Variants in PLXND1 observed in about 807,000 individuals in gnomAD.
PLXND1 encodes the protein plexin-D1.
PLXND1 carries 54 observed loss-of-function variants against 197.7 expected under a neutral mutation model. The observed-to-expected ratio is 0.27, with a 90% CI of 0.22 to 0.34. The LOEUF is 0.34. Ranked by LOEUF, PLXND1 falls within the 10% of genes least tolerant of loss-of-function variation. The pLI is 1.00. For synonymous variants in PLXND1, 1,180 were observed against 1,161.2 expected (o/e 1.02, Z -0.33); for missense variants, 2,127 against 2,699.2 (o/e 0.79, Z 4.70).
At chr3:129,588,580 C>T (rs1378276655) in intron 2 of PLXND1, among the ~76,000 whole-genome samples, 1 of 152,258 alleles carries the variant, frequency 6.6e-6, no homozygotes, top group Admixed American at 6.5e-5. Context: ...CCCACCCAGC[C>T]CACAGCGTCT....
chr3:129,606,566 G>C lies in PLXND1; in HGVS notation c.74C>G (p.Thr25Arg), dbSNP rs1169498636. The C allele has an allele frequency of 3.2e-6, 4 of 1,244,732 alleles. No individual in the cohort carries two copies. The highest frequency in any genetic ancestry group is 3.0e-4 in the Middle Eastern group (1 of 3,348). 77.1% of individuals were successfully genotyped at this position (1,244,732 alleles called of 1,614,324 possible). Reference protein sequence around the residue: ...AAAASPPPFQTPPRCPVPLLL... With the variant: ...AAAASPPPFQRPPRCPVPLLL... ...CAGCGGCACCGGGCACCGCGGCGGC[G>C]TCTGGAACGGCGGGGGGCTGGCGGC... Residue 25 changes from threonine (T) to arginine (R), a missense_variant, in exon 1 of 36, where the codon ACG (threonine) becomes AGG (arginine). Physicochemically the swap from Thr to Arg is moderately conservative, Grantham distance 71. This residue lies in a region of PLXND1 where 245 missense variants were observed against 267.1 expected (regional missense o/e 0.92). Coordinates refer to ENST00000324093, the MANE Select transcript of PLXND1 (RefSeq NM_015103.3).
chr3:129,573,499 G>A (rs749853075), intron 13 of PLXND1, 95 bp downstream of exon 13: 147 of 1,247,734 alleles, frequency 1.2e-4, no homozygotes, highest in Admixed American at 1.7e-4. Context: ...GAAAGCAGCA[G>A]AGTGAGGACA....
Position 129,575,573 on chromosome 3 carries a change from GC to G in PLXND1, c.2437-12del, listed in dbSNP as rs1265851246. On this transcript the variant is annotated splice_polypyrimidine_tract_variant and intron_variant, in intron 10 of 35. Transcript: ENST00000324093. Reference sequence around the variant, plus strand: ...CCGGGTCGTGTGCAGCTGCAAAAGGGCAGAAAAGAGCATAGGGGGCATGGGC... The same window carrying G: ...CCGGGTCGTGTGCAGCTGCAAAAGGGAGAAAAGAGCATAGGGGGCATGGGC... 1 of 1,543,178 alleles carries G rather than the reference GC, an allele frequency of 6.5e-7. No homozygotes were observed. The highest frequency in any genetic ancestry group is 8.8e-7 in the Non-Finnish European group (1 of 1,138,630).
In PLXND1 at chr3:129,586,164, A is replaced by T. The variant is rs1278881493; in HGVS notation, c.1721+8T>A. 1 of 1,609,114 alleles carries T rather than the reference A, an allele frequency of 6.2e-7. No individual in the cohort carries two copies. The highest frequency in any genetic ancestry group is 1.7e-5 in the Admixed American group (1 of 59,868). On this transcript the variant is annotated splice_region_variant and intron_variant, in intron 4 of 35. Coordinates refer to ENST00000324093, the MANE Select transcript of PLXND1 (RefSeq NM_015103.3). ...CCTGGTCCAGCTGTTGCTGGTGTCC[A>T]GCCTCACCGCGTCTCCAGGGCACAC...
At position 129,586,099 on chromosome 3, in the gene PLXND1, G is replaced by A. The variant is rs192005142; in HGVS notation, c.1722-18C>T. On this transcript the variant is annotated intron_variant, in intron 4 of 35. Transcript: ENST00000324093. Reference sequence around the variant, plus strand: ...AGGTGCACCTGGGGTGGCACCGCAGGGTCAGGACCCAGGTCAGCTCCTCCC... The same window carrying A: ...AGGTGCACCTGGGGTGGCACCGCAGAGTCAGGACCCAGGTCAGCTCCTCCC... 1.1e-4 allele frequency: 176 copies of A among 1,613,694 alleles called. No homozygotes were observed. The African/African-American group carries it at 2.1e-3, about 20-fold the overall frequency.
chr3:129,575,332 G>A (rs897484587), intron 11 of PLXND1, 137 bp downstream of exon 11: 25 of 639,404 alleles, frequency 3.9e-5, no homozygotes, highest in Middle Eastern at 4.1e-4. Context: ...TGGGATATGA[G>A]GCTGTGTGTG....
intron 27 of PLXND1, 109 bp from the exon 28 acceptor site, chr3:129,562,012 T>G: frequency 1.4e-6 from 1 of 729,966 alleles, no homozygotes; most frequent in South Asian, 1.5e-5. Flanking sequence ...CCATGTAAAC[T>G]GAGGCAAGCC....
Position 129,584,390 on chromosome 3 carries a change from T to C in PLXND1, c.2024A>G (p.Asn675Ser), listed in dbSNP as rs757329564. The C allele has an allele frequency of 3.5e-5, 56 of 1,611,656 alleles. No individual in the cohort carries two copies. In the African/African-American group the frequency reaches 4.0e-4, roughly 12 times the overall value. The change falls in exon 6 of 36, where the codon AAC (asparagine) becomes AGC (serine). Residue 675 changes from asparagine (N) to serine (S), a missense_variant. Around this residue, in one of 6 missense-constraint regions of PLXND1, gnomAD observed 1,095 missense variants for 1,259.8 expected, o/e 0.87. Coordinates refer to ENST00000324093, the MANE Select transcript of PLXND1 (RefSeq NM_015103.3). ...CAACAGCACAGCGTGCTTACCCTGG[T>C]TGGGGGGGAAGGGCGGAAACTGGTC... is the stretch of plus-strand genomic sequence containing the variant. Reference protein sequence around the residue: ...PRDQFPPFPPNQDHVTVEMSV... With the variant: ...PRDQFPPFPPSQDHVTVEMSV...
At chr3:129,570,555 T>C in intron 19 of PLXND1, 1 of 575,980 alleles carries the variant, frequency 1.7e-6, no homozygotes, top group Non-Finnish European at 3.1e-6. Context: ...TTATGGTTTC[T>C]GATGGTCCAG....
rs762249042 is a variant in PLXND1 at position 129,562,934 on chromosome 3, C to T, written c.4678G>A (p.Val1560Met). ...TCCATGCCACAGCCCTGGAAGGACACGTTCAGGTTCTGCAGGGGGAGAGTG... is the reference window on the plus strand; with the variant it reads ...TCCATGCCACAGCCCTGGAAGGACATGTTCAGGTTCTGCAGGGGGAGAGTG... ...NIEAKPRNLN[V>M]SFQGCGMDSL... Residue 1560 changes from valine to methionine, a missense_variant, in exon 27 of 36, where the codon GTG becomes ATG. Val to Met is a conservative substitution (Grantham distance 21). Around this residue, in one of 6 missense-constraint regions of PLXND1, gnomAD observed 532 missense variants for 811.0 expected, o/e 0.66. Transcript: ENST00000324093. 6 of 1,603,200 alleles carry T rather than the reference C, an allele frequency of 3.7e-6. No homozygotes were observed. The highest frequency in any genetic ancestry group is 2.2e-5 in the East Asian group (1 of 44,514).
intron 13 of PLXND1, 164 bp from the exon 14 acceptor site, chr3:129,573,105 G>T (rs2085261932): frequency 1.6e-6 from 1 of 609,934 alleles, no homozygotes; most frequent in Non-Finnish European, 2.9e-6. Flanking sequence ...AAGACACGGG[G>T]GTGGGACAAA....
Position 129,565,922 on chromosome 3 carries a change from C to T in PLXND1, c.4287G>A (p.Ala1429=), listed in dbSNP as rs773729715. The change falls in exon 24 of 36, where the codon GCG becomes GCA. Residue 1429 remains alanine, a synonymous_variant. Transcript: ENST00000324093. ...CCGCAAAGTCCTTCTGCTGCTCCAG[C>T]GCGTGGACAAAGACGATGAGGAAGT... is the stretch of plus-strand genomic sequence containing the variant. ...NKHFLIVFVH[A]LEQQKDFAVR... 2.9e-5 allele frequency: 47 copies of T among 1,614,034 alleles called. No homozygotes were observed. The highest frequency in any genetic ancestry group is 3.3e-4 in the Middle Eastern group (2 of 6,080).
chr3:129,564,065 A>T (rs2085101483), intron 25 of PLXND1, among the ~76,000 whole-genome samples: 1 of 152,190 alleles, frequency 6.6e-6, no homozygotes, highest in East Asian at 1.9e-4. Flanking sequence ...AAGCCAGGGG[A>T]GTGAGGTCCA....
At position 129,559,588 on chromosome 3, in the gene PLXND1, A is replaced by G. The variant is rs199507368; in HGVS notation, c.5297+32T>C. The G allele has an allele frequency of 7.5e-5, 116 of 1,541,970 alleles. No homozygotes were observed. The African/African-American group carries it at 1.6e-3, about 21-fold the overall frequency. ...CCTGCCACAGGGGCCCCAGTGGCAC[A>G]GTGAAGTCCACACGGCCCCCCCACC... On this transcript the variant is annotated intron_variant, in intron 32 of 35. Coordinates refer to ENST00000324093, the MANE Select transcript of PLXND1 (RefSeq NM_015103.3).
At chr3:129,572,999 C>A in intron 13 of PLXND1, 58 bp from the exon 14 acceptor site, 1 of 1,258,986 alleles carries the variant, frequency 7.9e-7, no homozygotes, top group Non-Finnish European at 1.2e-6. Context: ...CACCCTAGAG[C>A]CAGGCTCAGG....
rs2084998326 is a variant in PLXND1 at position 129,557,947 on chromosome 3, A to G, written c.5445+481T>C. Reference sequence around the variant, plus strand: ...TTTCATCTTCAACCTCTAAAGCCAGACACAGCCTTGTGTGCCCCCAACACA... The same window carrying G: ...TTTCATCTTCAACCTCTAAAGCCAGGCACAGCCTTGTGTGCCCCCAACACA... On this transcript the variant is annotated intron_variant, in intron 33 of 35. Coordinates refer to ENST00000324093, the MANE Select transcript of PLXND1 (RefSeq NM_015103.3). This position sits in a 1 kb window ranked among gnomAD's most constrained non-coding sequence, Gnocchi z 4.8. Among the ~76,000 whole-genome samples the G allele has an allele frequency of 6.6e-6, 1 of 152,186 alleles. No homozygotes were observed. Among genetic ancestry groups the G allele is most frequent in the Non-Finnish European group, 1.5e-5 (1 of 68,038 alleles).
At chr3:129,578,629 T>C (rs962516612) in intron 8 of PLXND1, 196 bp from the exon 9 acceptor site, 3 of 573,760 alleles carry the variant, frequency 5.2e-6, no homozygotes, top group Non-Finnish European at 9.3e-6. Context: ...GCAGGTCGCA[T>C]TGGCCCTGTT....
At chr3:129,563,029 G>A (rs1268147059) in intron 26 of PLXND1, 65 bp downstream of exon 26, 1 of 1,610,858 alleles carries the variant, frequency 6.2e-7, no homozygotes, top group East Asian at 2.2e-5. Flanking sequence ...TGCAGAGGAA[G>A]GCTGGGTCAA....
intron 8 of PLXND1, among the ~76,000 whole-genome samples, chr3:129,579,547 G>A (rs1160529305): frequency 6.6e-6 from 1 of 152,150 alleles, no homozygotes; most frequent in Non-Finnish European, 1.5e-5. Context: ...TCCAGCTTTG[G>A]TGGCCCCAGT....
Sources: gnomAD v4.1 joint callset for allele counts (sites outside exome capture counted in the v4.1 genomes callset) on GRCh38, gnomAD v4.1.1 for gene constraint, gnomAD v4.1.1 regional missense constraint, Gnocchi (gnomAD v3.1) non-coding constraint, MANE v1.5 for transcripts, NCBI Gene and HGNC (gene_info 2026-07-23, HGNC 2026-07-21) for gene names.